Variants in ZDHHC15 observed in about 807,000 individuals in gnomAD.
The protein encoded by ZDHHC15 is zDHHC palmitoyltransferase 15.
A neutral mutation model predicts 31.7 loss-of-function variants in ZDHHC15; 19 were observed. The ratio of observed to expected loss-of-function variants is 0.60; its 90% CI spans 0.42 to 0.88. The LOEUF (loss-of-function observed/expected upper bound fraction) is 0.88, where lower values mean the gene tolerates loss of function less well. ZDHHC15 is among the 40% of genes least tolerant of loss of function. The pLI, the probability that ZDHHC15 is intolerant of heterozygous loss-of-function variation, is 0.00. For missense variants in ZDHHC15, 209 were observed against 251.2 expected, an observed-to-expected ratio of 0.83 and a Z score of 1.14; for synonymous variants, 103 against 90.0, an observed-to-expected ratio of 1.14 and a Z score of -0.82.
intron 2 of ZDHHC15, among the ~76,000 whole-genome samples, chrX:75,493,850 G>C (rs1423973223): frequency 2.7e-5 from 3 of 111,650 alleles, no homozygotes; most frequent in Non-Finnish European, 5.6e-5. Flanking sequence ...AAAACTGGAA[G>C]CATTCCCTTT....
chrX:75,424,863 T>C, intron 7 of ZDHHC15, 79 bp from the exon 8 acceptor site: 1 of 986,503 alleles, frequency 1.0e-6, no homozygotes, highest in Non-Finnish European at 1.3e-6. Context: ...AGGTTAGTAG[T>C]TTTCACATGT....
At chrX:75,520,529 T>A (rs2085428085) in intron 1 of ZDHHC15, among the ~76,000 whole-genome samples, 1 of 111,619 alleles carries the variant, frequency 9.0e-6, no homozygotes, top group South Asian at 3.7e-4. Context: ...TTAAAATATA[T>A]CTTGGTGAAG....
intron 4 of ZDHHC15, among the ~76,000 whole-genome samples, chrX:75,443,880 C>T (rs1396374623): frequency 3.6e-5 from 4 of 111,933 alleles, no homozygotes; most frequent in Admixed American, 9.5e-5. Context: ...CTCATCATCA[C>T]TGGCCATCAG....
chrX:75,505,104 C>T (rs564812231), intron 2 of ZDHHC15, among the ~76,000 whole-genome samples: 91 of 111,295 alleles, frequency 8.2e-4, no homozygotes, highest in Admixed American at 5.0e-3. Context: ...TGCTCTCTTG[C>T]CTCTATAGCC....
intron 8 of ZDHHC15, among the ~76,000 whole-genome samples, chrX:75,423,067 C>A (rs1315271148): frequency 9.6e-6 from 1 of 103,968 alleles, no homozygotes; most frequent in African/African-American, 3.5e-5. Context: ...GGCTGGAGTA[C>A]AGTGGCACAA....
At chrX:75,381,170 C>T (rs1372015577) in intron 10 of ZDHHC15, among the ~76,000 whole-genome samples, 2 of 111,703 alleles carry the variant, frequency 1.8e-5, no homozygotes, top group Non-Finnish European at 3.8e-5. Flanking sequence ...ATACTCTACC[C>T]CAAACTATGA....
chrX:75,399,080 G>C (rs1361564386), intron 10 of ZDHHC15, among the ~76,000 whole-genome samples: 1 of 111,620 alleles, frequency 9.0e-6, no homozygotes, highest in Non-Finnish European at 1.9e-5. Context: ...GAAAATCTGA[G>C]GTGATTAGGA....
At chrX:75,423,645 C>T (rs757173700) in intron 8 of ZDHHC15, among the ~76,000 whole-genome samples, 1 of 101,810 alleles carries the variant, frequency 9.8e-6, no homozygotes, top group Non-Finnish European at 2.0e-5. Flanking sequence ...TGAATAGTCA[C>T]CCAGCTAATT....
At chrX:75,378,881 GT>G (rs1255291876) in intron 11 of ZDHHC15, among the ~76,000 whole-genome samples, 1 of 111,217 alleles carries the variant, frequency 9.0e-6, no homozygotes, top group African/African-American at 3.3e-5. Context: ...GATCCCCGGA[GT>G]TTTTTTCAGC....
At chrX:75,433,656 AGTGTGTGT>A (rs138064587) in intron 4 of ZDHHC15, among the ~76,000 whole-genome samples, 5,359 of 53,359 alleles carry the variant, frequency 0.1, 535 homozygotes, top group African/African-American at 0.27. Flanking sequence ...ATGGCTGAGT[AGTGTGTGT>A]GTGTGTGTGT....
At chrX:75,493,701 T>C (rs768400051) in intron 2 of ZDHHC15, among the ~76,000 whole-genome samples, 10 of 112,164 alleles carry the variant, frequency 8.9e-5, no homozygotes, top group African/African-American at 2.9e-4. Context: ...ATCTCAATAG[T>C]TGCAGAAAAG....
chrX:75,455,908 G>A (rs1449642961), intron 3 of ZDHHC15, among the ~76,000 whole-genome samples: 1 of 111,788 alleles, frequency 8.9e-6, no homozygotes, highest in South Asian at 3.7e-4. Context: ...ATTGGTGGGA[G>A]TGTAAACTAG....
intron 3 of ZDHHC15, among the ~76,000 whole-genome samples, chrX:75,470,982 T>C (rs759693701): frequency 8.9e-6 from 1 of 112,089 alleles, no homozygotes; most frequent in Admixed American, 9.4e-5. Context: ...CACTACATCC[T>C]CCTTCAACTC....
At chrX:75,469,432 CT>C in intron 3 of ZDHHC15, among the ~76,000 whole-genome samples, 1 of 111,770 alleles carries the variant, frequency 8.9e-6, no homozygotes, top group East Asian at 2.8e-4. Context: ...GACCATTCTA[CT>C]TTTTCTCTGT....
At chrX:75,475,498 T>A (rs971066028) in intron 3 of ZDHHC15, among the ~76,000 whole-genome samples, 13 of 112,243 alleles carry the variant, frequency 1.2e-4, no homozygotes, top group African/African-American at 4.2e-4. Flanking sequence ...TTAGAATGCT[T>A]TTAGCATGGT....
At chrX:75,489,197 C>T (rs1395056696) in intron 2 of ZDHHC15, among the ~76,000 whole-genome samples, 1 of 111,977 alleles carries the variant, frequency 8.9e-6, no homozygotes, top group Admixed American at 9.4e-5. Context: ...GCAGCAGAAT[C>T]CTCTGCAGAC....
At position 75,445,368 on chromosome X, in the gene ZDHHC15, G is replaced by A. The variant is rs192279789; in HGVS notation, c.379+5434C>T. On this transcript the variant is annotated intron_variant, in intron 4 of 11. Coordinates refer to ENST00000373367, the MANE Select transcript of ZDHHC15 (RefSeq NM_144969.3). Reference sequence around the variant, plus strand: ...TGATCTGACAATGGAAATATGCAAAGTATCTTCAATAGATGCTCTTAGTCA... The same window carrying A: ...TGATCTGACAATGGAAATATGCAAAATATCTTCAATAGATGCTCTTAGTCA... Among the ~76,000 whole-genome samples the A allele has an allele frequency of 5.4e-4, 60 of 111,819 alleles. 1 individual carries two copies. The highest frequency in any genetic ancestry group is 1.8e-3 in the African/African-American group (56 of 30,864).
chrX:75,415,247 G>A (rs1322711388), intron 10 of ZDHHC15, among the ~76,000 whole-genome samples: 1 of 111,662 alleles, frequency 9.0e-6, no homozygotes, highest in African/African-American at 3.3e-5. Flanking sequence ...TGACAGTTAT[G>A]CACAGAAAAT....
chrX:75,451,420 T>C (rs141436932), intron 3 of ZDHHC15, among the ~76,000 whole-genome samples: 1 of 112,469 alleles, frequency 8.9e-6, no homozygotes, highest in East Asian at 2.8e-4. Context: ...ATTCTAATCT[T>C]GTAAATAAGG....
Sources: gnomAD v4.1 joint callset for allele counts (sites outside exome capture counted in the v4.1 genomes callset) on GRCh38, gnomAD v4.1.1 for gene constraint, MANE v1.5 for transcripts, NCBI Gene and HGNC (gene_info 2026-07-23, HGNC 2026-07-21) for gene names.